Variants in GOLGA8B observed in about 807,000 individuals in gnomAD.
The protein encoded by GOLGA8B is golgin subfamily A member 8B.
In GOLGA8B, 1 loss-of-function variant was observed where a neutral mutation model predicts 15.6. The ratio of observed to expected loss-of-function variants is 0.06; its 90% CI spans 0.02 to 0.30. The LOEUF is 0.30. Ranked by LOEUF, GOLGA8B falls within the 10% of genes least tolerant of loss-of-function variation. The pLI, the probability that GOLGA8B is intolerant of heterozygous loss-of-function variation, is 1.00. For missense variants in GOLGA8B, 17 were observed against 201.3 expected, an observed-to-expected ratio of 0.08 and a Z score of 5.54; for synonymous variants, 9 against 80.3, an observed-to-expected ratio of 0.11 and a Z score of 4.75.
intron 1 of GOLGA8B, among the ~76,000 whole-genome samples, chr15:34,566,651 T>A (rs1318544271): frequency 6.8e-6 from 1 of 146,212 alleles, no homozygotes; most frequent in African/African-American, 2.5e-5. Flanking sequence ...AGACGGGGGC[T>A]GCCCTGTTGA....
chr15:34,570,702 A>C (rs1888892651), intron 1 of GOLGA8B, among the ~76,000 whole-genome samples: 1 of 124,872 alleles, frequency 8.0e-6, no homozygotes. Flanking sequence ...ATCAACAGAG[A>C]GACTGAAGCA....
chr15:34,571,904 TC>T (rs1888924392), intron 1 of GOLGA8B, among the ~76,000 whole-genome samples: 1 of 151,992 alleles, frequency 6.6e-6, no homozygotes, highest in African/African-American at 2.4e-5. Context: ...AGAGAAAATA[TC>T]CGCAATATAT....
At position 34,526,617 on chromosome 15, in the gene GOLGA8B, T is replaced by TA. The variant is rs1190310637; in HGVS notation, c.*1014dup. On this transcript the variant is annotated 3_prime_UTR_variant, in exon 24 of 24. Coordinates refer to ENST00000683415, the MANE Select transcript of GOLGA8B (RefSeq NM_001023567.5). ...ACATTTAAACTCTTAAAGGATGTCT[T>TA]ATGATCTTTACTAAATACATTAAGA... 1 of 149,216 alleles carries TA rather than the reference T, an allele frequency of 6.7e-6. No homozygotes were observed. Among genetic ancestry groups the TA allele is most frequent in the African/African-American group, 2.5e-5 (1 of 40,316 alleles). The allele number at this position is 149,216 out of a possible 1,614,324, so 9.2% of individuals were successfully genotyped here.
intron 1 of GOLGA8B, among the ~76,000 whole-genome samples, chr15:34,569,583 C>A (rs565067544): frequency 3.9e-5 from 6 of 151,984 alleles, no homozygotes; most frequent in African/African-American, 1.4e-4. Context: ...GCAAAAGGCA[C>A]TAGGTTGGCT....
intron 1 of GOLGA8B, among the ~76,000 whole-genome samples, chr15:34,583,116 G>C (rs993081999): frequency 1.8e-4 from 27 of 152,106 alleles, no homozygotes; most frequent in South Asian, 6.2e-4. Context: ...CTTGATGCCG[G>C]CGTCAAGCGG....
At chr15:34,576,306 T>C (rs1889080274) in intron 1 of GOLGA8B, among the ~76,000 whole-genome samples, 1 of 152,218 alleles carries the variant, frequency 6.6e-6, no homozygotes, top group Non-Finnish European at 1.5e-5. Flanking sequence ...TCCTCAGTGC[T>C]GATTAAGCAC....
In GOLGA8B at chr15:34,565,316, G is replaced by A. The variant is rs1011192127; in HGVS notation, c.-1122-11360C>T. 4.5e-5 allele frequency among the ~76,000 whole-genome samples: 6 copies of A among 134,318 alleles called. 1 individual carries two copies. Among genetic ancestry groups the A allele is most frequent in the African/African-American group, 1.1e-4 (4 of 37,894 alleles). 88.1% of individuals were successfully genotyped at this position (134,318 alleles called of 152,430 possible). A position where few individuals can be genotyped will look rare whatever the true frequency, so the allele number is the denominator to read the frequency against. On this transcript the variant is annotated intron_variant, in intron 1 of 23. Coordinates refer to ENST00000683415, the MANE Select transcript of GOLGA8B (RefSeq NM_001023567.5). ...ACGCCTGGCTAATTTTTGTATTTTTGTAGAGACAGGGTTTCCCCATGTTGG... is the reference window on the plus strand; with the variant it reads ...ACGCCTGGCTAATTTTTGTATTTTTATAGAGACAGGGTTTCCCCATGTTGG...
In GOLGA8B at chr15:34,583,126, G is replaced by A. The variant is rs1443559403; in HGVS notation, c.-1123+390C>T. Among the ~76,000 whole-genome samples the A allele has an allele frequency of 3.3e-5, 5 of 152,108 alleles. No individual in the cohort carries two copies. In the South Asian group the frequency reaches 1.0e-3, roughly 32 times the overall value. On this transcript the variant is annotated intron_variant, in intron 1 of 23. Transcript: ENST00000683415. Reference sequence around the variant, plus strand: ...GGGGACTTGATGCCGGCGTCAAGCGGGGCAGCGGAACGCACCAGCGGCCCG... The same window carrying A: ...GGGGACTTGATGCCGGCGTCAAGCGAGGCAGCGGAACGCACCAGCGGCCCG...
At chr15:34,571,341 C>T (rs556666325) in intron 1 of GOLGA8B, among the ~76,000 whole-genome samples, 4 of 152,038 alleles carry the variant, frequency 2.6e-5, no homozygotes, top group Admixed American at 1.3e-4. Flanking sequence ...AAAAATAAAG[C>T]TTATCTATTC....
In GOLGA8B at chr15:34,527,849, A is replaced by G; in HGVS notation, c.1610-15T>C. 1 of 1,570,174 alleles carries G rather than the reference A, an allele frequency of 6.4e-7. No individual in the cohort carries two copies. The highest frequency in any genetic ancestry group is 8.6e-7 in the Non-Finnish European group (1 of 1,162,862). On this transcript the variant is annotated splice_polypyrimidine_tract_variant and intron_variant, in intron 23 of 23. Coordinates refer to ENST00000683415, the MANE Select transcript of GOLGA8B (RefSeq NM_001023567.5). ...CTCACAAAGATCTTTGGAGAGAGAG[A>G]GGCGGGGATCTGAGTGGAGTGCTAG... is the stretch of plus-strand genomic sequence containing the variant.
In GOLGA8B at chr15:34,526,446, A is replaced by C. The variant is rs1888059546; in HGVS notation, c.*1186T>G. 1 of 148,928 alleles carries C rather than the reference A, an allele frequency of 6.7e-6. No homozygotes were observed. The highest frequency in any genetic ancestry group is 1.5e-5 in the Non-Finnish European group (1 of 67,146). The allele number at this position is 148,928 out of a possible 1,614,324, so 9.2% of individuals were successfully genotyped here. A position where few individuals can be genotyped will look rare whatever the true frequency, so the allele number is the denominator to read the frequency against. On this transcript the variant is annotated 3_prime_UTR_variant, in exon 24 of 24. Transcript: ENST00000683415. ...TCAGAGTAACCGAGGTGGTTGAAGA[A>C]TAGGTATTAGCCAGAGAGGTCTAGA...
chr15:34,569,047 C>T (rs1888836128), intron 1 of GOLGA8B, among the ~76,000 whole-genome samples: 1 of 149,150 alleles, frequency 6.7e-6, no homozygotes, highest in Non-Finnish European at 1.5e-5. Context: ...TCTTCCTGCT[C>T]CTGCTCCTGG....
intron 1 of GOLGA8B, among the ~76,000 whole-genome samples, chr15:34,574,096 AAC>A (rs1888999763): frequency 6.6e-6 from 1 of 152,096 alleles, no homozygotes; most frequent in Non-Finnish European, 1.5e-5. Flanking sequence ...TGGAATAACT[AAC>A]AGTCTCTCAC....
At chr15:34,567,092 T>C (rs1452024012) in intron 1 of GOLGA8B, among the ~76,000 whole-genome samples, 1 of 122,302 alleles carries the variant, frequency 8.2e-6, no homozygotes, top group Non-Finnish European at 1.8e-5. Context: ...ACACAAGCTC[T>C]ACCCTTTCCA....
intron 1 of GOLGA8B, among the ~76,000 whole-genome samples, chr15:34,570,047 T>C (rs1888870823): frequency 6.6e-6 from 1 of 152,200 alleles, no homozygotes; most frequent in Non-Finnish European, 1.5e-5. Flanking sequence ...CCCCACCACC[T>C]GCTTTGAGAA....
At position 34,526,440 on chromosome 15, in the gene GOLGA8B, T is replaced by C. The variant is rs1350496281; in HGVS notation, c.*1192A>G. On this transcript the variant is annotated 3_prime_UTR_variant, in exon 24 of 24. Transcript: ENST00000683415. ...CCTATGTCAGAGTAACCGAGGTGGT[T>C]GAAGAATAGGTATTAGCCAGAGAGG... 6.7e-6 allele frequency: 1 copy of C among 148,748 alleles called. No homozygotes were observed. The highest frequency in any genetic ancestry group is 1.5e-5 in the Non-Finnish European group (1 of 67,112). 9.2% of individuals were successfully genotyped at this position (148,748 alleles called of 1,614,324 possible).
At chr15:34,567,705 C>G (rs1180378920) in intron 1 of GOLGA8B, among the ~76,000 whole-genome samples, 3 of 151,860 alleles carry the variant, frequency 2.0e-5, no homozygotes, top group African/African-American at 7.3e-5. Context: ...CAGGAAATGA[C>G]GCACACGGGC....
At chr15:34,578,225 T>C (rs1270351650) in intron 1 of GOLGA8B, among the ~76,000 whole-genome samples, 2 of 152,196 alleles carry the variant, frequency 1.3e-5, no homozygotes, top group Non-Finnish European at 2.9e-5. Flanking sequence ...TGGCTTCAAG[T>C]GCAAAATGGA....
chr15:34,563,027 A>AAAATAAAT (rs1159025402), intron 1 of GOLGA8B, among the ~76,000 whole-genome samples: 10 of 63,784 alleles, frequency 1.6e-4, no homozygotes, highest in African/African-American at 4.2e-4. Flanking sequence ...ATTGTCTCAA[A>AAAATAAAT]AAATAAATAA....
Sources: gnomAD v4.1 joint callset for allele counts (sites outside exome capture counted in the v4.1 genomes callset) on GRCh38, gnomAD v4.1.1 for gene constraint, MANE v1.5 for transcripts, NCBI Gene and HGNC (gene_info 2026-07-23, HGNC 2026-07-21) for gene names.